The following IMMP2L variants were observed in gnomAD, a reference collection of about 807,000 sequenced individuals.
IMMP2L encodes the protein mitochondrial inner membrane protease subunit 2.
IMMP2L carries 18 observed loss-of-function variants against 19.3 expected under a neutral mutation model. The observed-to-expected ratio is 0.93, with a 90% CI of 0.64 to 1.38. The LOEUF (loss-of-function observed/expected upper bound fraction) is 1.38. Among genes scored for constraint, IMMP2L ranks in the 40% most tolerant of loss-of-function variants. The pLI is 0.00. For missense variants in IMMP2L, 233 were observed against 218.2 expected (o/e 1.07, Z -0.43); for synonymous variants, 76 against 73.0 (o/e 1.04, Z -0.21).
At chr7:111,012,080 A>G (rs1825024714) in intron 3 of IMMP2L, among the ~76,000 whole-genome samples, 1 of 152,124 alleles carries the variant, frequency 6.6e-6, no homozygotes, top group Non-Finnish European at 1.5e-5. Context: ...TCGAGTGGGA[A>G]AAAAGGTACA....
intron 5 of IMMP2L, among the ~76,000 whole-genome samples, chr7:110,840,219 G>A (rs573156861): frequency 3.3e-5 from 5 of 152,144 alleles, no homozygotes; most frequent in Admixed American, 1.3e-4. Context: ...ACATAGGAGC[G>A]GTAATAGCTC....
intron 3 of IMMP2L, among the ~76,000 whole-genome samples, chr7:111,243,320 A>G (rs1177498757): frequency 1.3e-5 from 2 of 152,078 alleles, no homozygotes; most frequent in Non-Finnish European, 2.9e-5. Flanking sequence ...ATTAAAAACT[A>G]TGACATAACT....
Position 111,213,775 on chromosome 7 carries a change from G to A in IMMP2L, c.240-250210C>T, listed in dbSNP as rs1280518766. On this transcript the variant is annotated intron_variant, in intron 3 of 5. Transcript: ENST00000405709. This position sits in a 1 kb window ranked among gnomAD's most constrained non-coding sequence, Gnocchi z 4.8. ...CCCACACCAGAGTCTCCTATCTAAT[G>A]AGCGCTGAACATTTGAAGGAATGAC... Among the ~76,000 whole-genome samples, 1 of 152,154 alleles carries A rather than the reference G, an allele frequency of 6.6e-6. No individual in the cohort carries two copies. Among genetic ancestry groups the A allele is most frequent in the African/African-American group, 2.4e-5 (1 of 41,434 alleles).
At chr7:111,474,368 G>A (rs1178855744) in intron 3 of IMMP2L, among the ~76,000 whole-genome samples, 1 of 151,942 alleles carries the variant, frequency 6.6e-6, no homozygotes, top group Admixed American at 6.6e-5. Context: ...ATGATAAAGT[G>A]TGCTAAGGAA....
chr7:110,734,999 T>C (rs1196216783), intron 5 of IMMP2L, among the ~76,000 whole-genome samples: 2 of 152,202 alleles, frequency 1.3e-5, no homozygotes, highest in Admixed American at 6.5e-5. Flanking sequence ...GGAGAGGGCA[T>C]GTTTTCCTCA....
chr7:110,746,817 A>G (rs577527062), intron 5 of IMMP2L, among the ~76,000 whole-genome samples: 21 of 152,352 alleles, frequency 1.4e-4, no homozygotes, highest in South Asian at 1.2e-3. Flanking sequence ...TCTAAAATCG[A>G]CATCCTGACA....
intron 3 of IMMP2L, among the ~76,000 whole-genome samples, chr7:111,436,467 TTAAG>T (rs1335467982): frequency 2.6e-5 from 4 of 151,834 alleles, no homozygotes; most frequent in East Asian, 1.9e-4. Context: ...AAATGTATTC[TTAAG>T]TAAGACAGTA....
chr7:111,528,302 G>A (rs889312415), intron 1 of IMMP2L, among the ~76,000 whole-genome samples: 7 of 151,880 alleles, frequency 4.6e-5, no homozygotes, highest in Admixed American at 3.3e-4. Flanking sequence ...ATAACAATCA[G>A]GTACTAAAAT....
intron 3 of IMMP2L, among the ~76,000 whole-genome samples, chr7:111,480,597 C>T (rs1328739694): frequency 3.6e-5 from 2 of 55,060 alleles, no homozygotes; most frequent in African/African-American, 9.9e-5. Flanking sequence ...ATTTTACTGT[C>T]AAAAAAAAAA....
chr7:111,192,962 G>A (rs781478728), intron 3 of IMMP2L, among the ~76,000 whole-genome samples: 2 of 151,984 alleles, frequency 1.3e-5, no homozygotes, highest in Non-Finnish European at 2.9e-5. Context: ...AGTTTGAGTT[G>A]GGCAATTGGG....
chr7:110,828,363 G>T (rs1469616467), intron 5 of IMMP2L, among the ~76,000 whole-genome samples: 1 of 152,106 alleles, frequency 6.6e-6, no homozygotes, highest in African/African-American at 2.4e-5. Flanking sequence ...AGAGCGTTAG[G>T]TCTGGAATCA....
At chr7:110,852,235 T>TGGATGGAC (rs1563025408) in intron 5 of IMMP2L, among the ~76,000 whole-genome samples, 1 of 151,436 alleles carries the variant, frequency 6.6e-6, no homozygotes, top group African/African-American at 2.4e-5. Flanking sequence ...GATGGATGGA[T>TGGATGGAC]GGATGGATGT....
In IMMP2L at chr7:111,419,347, A is replaced by T. The variant is rs902514656; in HGVS notation, c.239+67891T>A. 4.0e-5 allele frequency among the ~76,000 whole-genome samples: 6 copies of T among 151,728 alleles called. 1 individual carries two copies. The highest frequency in any genetic ancestry group is 1.5e-4 in the African/African-American group (6 of 41,094). The stretch of plus-strand genomic sequence containing the variant: ...TACACTTTTACTAAAGATTTTTTTT[A>T]AAAGGAAGAAAAAATTTCTTACCTA... On this transcript the variant is annotated intron_variant, in intron 3 of 5. Coordinates refer to ENST00000405709, the MANE Select transcript of IMMP2L (RefSeq NM_032549.4).
At chr7:110,677,697 C>T (rs950429300) in intron 5 of IMMP2L, among the ~76,000 whole-genome samples, 17 of 151,002 alleles carry the variant, frequency 1.1e-4, no homozygotes, top group African/African-American at 4.1e-4. Context: ...AGAAGAGCCT[C>T]AAAACTCCTA....
intron 3 of IMMP2L, among the ~76,000 whole-genome samples, chr7:111,407,218 G>C (rs1833974626): frequency 1.3e-5 from 2 of 151,978 alleles, no homozygotes; most frequent in African/African-American, 4.8e-5. Flanking sequence ...ATGTAACATG[G>C]TACACACAGC....
chr7:111,131,882 T>TA (rs978210846), intron 3 of IMMP2L, among the ~76,000 whole-genome samples: 7 of 151,160 alleles, frequency 4.6e-5, no homozygotes, highest in African/African-American at 1.7e-4. Flanking sequence ...AGCAAAAAAA[T>TA]AAAAAACCAA....
chr7:111,528,749 T>G (rs910871427), intron 1 of IMMP2L, among the ~76,000 whole-genome samples: 4 of 152,128 alleles, frequency 2.6e-5, no homozygotes, highest in Admixed American at 2.6e-4. Flanking sequence ...TAAAAACTAT[T>G]TAAAAGTTGT....
chr7:111,301,054 T>A (rs1822180619), intron 3 of IMMP2L, among the ~76,000 whole-genome samples: 2 of 152,122 alleles, frequency 1.3e-5, no homozygotes, highest in South Asian at 2.1e-4. Flanking sequence ...ATTTTGTGTA[T>A]CCTATCAGCA....
chr7:110,882,387 C>CTCTT (rs929338832), intron 5 of IMMP2L, among the ~76,000 whole-genome samples: 2 of 148,064 alleles, frequency 1.4e-5, no homozygotes, highest in Non-Finnish European at 3.0e-5. Flanking sequence ...CTCTCTCTCT[C>CTCTT]TCTTTCTTTC....
Sources: gnomAD v4.1 joint callset for allele counts (sites outside exome capture counted in the v4.1 genomes callset) on GRCh38, gnomAD v4.1.1 for gene constraint, Gnocchi (gnomAD v3.1) non-coding constraint, MANE v1.5 for transcripts, NCBI Gene and HGNC (gene_info 2026-07-23, HGNC 2026-07-21) for gene names.